The following RAB38 variants were observed in gnomAD, a reference collection of about 807,000 sequenced individuals.
RAB38 encodes the protein RAB38, member RAS oncogene family, also known as ras-related protein Rab-38.
In RAB38, 15 loss-of-function variants were observed where a neutral mutation model predicts 18.4. The observed-to-expected ratio is 0.82, with a 90% CI of 0.55 to 1.26. RAB38 has a LOEUF of 1.26. Among genes scored for constraint, RAB38 ranks in the 50% most tolerant of loss-of-function variants. The pLI, the probability that RAB38 is intolerant of heterozygous loss-of-function variation, is 0.00. For synonymous variants in RAB38, 101 were observed against 104.4 expected, an observed-to-expected ratio of 0.97 and a Z score of 0.20; for missense variants, 294 against 267.4, an observed-to-expected ratio of 1.10 and a Z score of -0.69.
the RAB38 span, among the ~76,000 whole-genome samples, chr11:87,891,307 A>T: frequency 2.6e-5 from 4 of 151,822 alleles, no homozygotes; most frequent in Non-Finnish European, 5.9e-5. Flanking sequence ...CTGCTTTAGT[A>T]TCAAGGAAAA....
chr11:88,022,618 A>AC, the RAB38 span, among the ~76,000 whole-genome samples: 1 of 149,346 alleles, frequency 6.7e-6, no homozygotes, highest in Non-Finnish European at 1.5e-5. Flanking sequence ...CCACAAAAAA[A>AC]AAAAAAAAAA....
the RAB38 span, among the ~76,000 whole-genome samples, chr11:87,834,072 G>A: frequency 6.6e-6 from 1 of 152,218 alleles, no homozygotes; most frequent in Non-Finnish European, 1.5e-5. Context: ...AGGCTTGAGG[G>A]AGATTGGAGT....
intron 1 of RAB38, chr11:88,165,738 T>C (rs1391198404): frequency 6.6e-6 from 1 of 152,154 alleles, no homozygotes; most frequent in African/African-American, 2.4e-5. Context: ...TACCTCTTGC[T>C]TCCAAAAGCC....
At chr11:87,822,598 T>C in the RAB38 span, among the ~76,000 whole-genome samples, 1 of 152,192 alleles carries the variant, frequency 6.6e-6, no homozygotes, top group Non-Finnish European at 1.5e-5. Context: ...AGTGCTATCT[T>C]ACCATAGACA....
At chr11:87,843,498 C>T in the RAB38 span, among the ~76,000 whole-genome samples, 49 of 152,260 alleles carry the variant, frequency 3.2e-4, no homozygotes, top group Admixed American at 3.1e-3. Flanking sequence ...CTCACCAAGG[C>T]CAGGGGGTTG....
At chr11:87,944,427 T>C in the RAB38 span, among the ~76,000 whole-genome samples, 1 of 152,132 alleles carries the variant, frequency 6.6e-6, no homozygotes, top group Non-Finnish European at 1.5e-5. Flanking sequence ...GGTCATTGTC[T>C]CTTGTCCATG....
the RAB38 span, among the ~76,000 whole-genome samples, chr11:88,090,019 G>C: frequency 6.6e-6 from 1 of 151,906 alleles, no homozygotes; most frequent in Non-Finnish European, 1.5e-5. Flanking sequence ...AGAGACTCTG[G>C]AGAGGGTGTT....
At chr11:87,931,161 G>T in the RAB38 span, among the ~76,000 whole-genome samples, 1 of 152,052 alleles carries the variant, frequency 6.6e-6, no homozygotes, top group Non-Finnish European at 1.5e-5. Flanking sequence ...GGGCAGTATG[G>T]CCATTTTCAC....
At chr11:88,053,240 T>TAC in the RAB38 span, among the ~76,000 whole-genome samples, 6 of 83,570 alleles carry the variant, frequency 7.2e-5, no homozygotes, top group Admixed American at 1.4e-4. Flanking sequence ...AATATATATA[T>TAC]ACACACATAT....
chr11:87,921,770 A>G, the RAB38 span, among the ~76,000 whole-genome samples: 2 of 151,828 alleles, frequency 1.3e-5, no homozygotes, highest in Admixed American at 1.3e-4. Context: ...ATAACTGAGT[A>G]AAAATATTGG....
chr11:88,110,797 C>G (rs483313), downstream of RAB38, among the ~76,000 whole-genome samples: 103,005 of 147,546 alleles, frequency 0.7, 36,686 homozygotes, highest in African/African-American at 0.85. Flanking sequence ...CTGGGCAATA[C>G]AGTGAGACTC....
the RAB38 span, among the ~76,000 whole-genome samples, chr11:88,016,058 C>A: frequency 2.0e-5 from 3 of 152,162 alleles, no homozygotes; most frequent in African/African-American, 7.2e-5. Flanking sequence ...GGAAAAAAAG[C>A]AGCTTTGATT....
chr11:88,061,032 A>G, the RAB38 span, among the ~76,000 whole-genome samples: 1 of 152,218 alleles, frequency 6.6e-6, no homozygotes, highest in Admixed American at 6.5e-5. Flanking sequence ...TGAGGAAATT[A>G]TTAATGAACT....
At chr11:87,870,325 G>A in the RAB38 span, among the ~76,000 whole-genome samples, 1 of 151,530 alleles carries the variant, frequency 6.6e-6, no homozygotes, top group African/African-American at 2.4e-5. Flanking sequence ...ATCATCCACT[G>A]TGACTCATCG....
intron 2 of RAB38, 104 bp downstream of exon 2, chr11:88,149,571 C>A: frequency 7.4e-7 from 1 of 1,352,488 alleles, no homozygotes; most frequent in Non-Finnish European, 1.0e-6. Context: ...AACCATACAT[C>A]ACTAAACAAA....
chr11:88,100,310 C>A, the RAB38 span, among the ~76,000 whole-genome samples: 1 of 151,828 alleles, frequency 6.6e-6, no homozygotes, highest in African/African-American at 2.4e-5. Flanking sequence ...CAACATAAAT[C>A]GAAAACATTT....
At chr11:88,042,320 T>C in the RAB38 span, among the ~76,000 whole-genome samples, 1 of 152,160 alleles carries the variant, frequency 6.6e-6, no homozygotes, top group Admixed American at 6.5e-5. Flanking sequence ...TGCTTCTCCA[T>C]CACCTCCCAG....
At chr11:87,900,794 A>C in the RAB38 span, among the ~76,000 whole-genome samples, 5 of 151,254 alleles carry the variant, frequency 3.3e-5, no homozygotes, top group Non-Finnish European at 5.9e-5. Context: ...AAGAATACAA[A>C]AAGATAAGAA....
At chr11:88,097,209 G>C in the RAB38 span, among the ~76,000 whole-genome samples, 1 of 151,842 alleles carries the variant, frequency 6.6e-6, no homozygotes, top group South Asian at 2.1e-4. Flanking sequence ...CCCATGAAGT[G>C]CCTGTTACTT....
Sources: gnomAD v4.1 joint callset for allele counts (sites outside exome capture counted in the v4.1 genomes callset) on GRCh38, gnomAD v4.1.1 for gene constraint, MANE v1.5 for transcripts, NCBI Gene and HGNC (gene_info 2026-07-23, HGNC 2026-07-21) for gene names.